Variants in CCAR1 observed in about 807,000 individuals in gnomAD.
The protein encoded by CCAR1 is cell division cycle and apoptosis regulator protein 1.
CCAR1 carries 78 observed loss-of-function variants against 163.8 expected under a neutral mutation model. The observed-to-expected ratio is 0.48, with a 90% CI of 0.40 to 0.57. The LOEUF is 0.57. Among genes scored for constraint, CCAR1 ranks in the 20% least tolerant of loss-of-function variants. CCAR1 has a pLI of 0.00. For synonymous variants in CCAR1, 443 were observed against 460.7 expected (o/e 0.96, Z 0.49); for missense variants, 1,019 against 1,365.2 (o/e 0.75, Z 4.00).
rs1242912966 is a variant in CCAR1 at position 68,786,668 on chromosome 10, T to G, written c.2856T>G (p.Leu952=). The change falls in exon 21 of 25, where the codon CTT becomes CTG. Residue 952 remains leucine (L), a synonymous_variant. Transcript: ENST00000265872. ...ATTTGGAAGAAATACTTTATACTCT[T>G]GGACTACATCTTTCTCGGGCTCAGG... The part of the protein sequence containing the change: ...EKDLEEILYT[L]GLHLSRAQVK... The G allele has an allele frequency of 3.8e-6, 6 of 1,597,490 alleles. No homozygotes were observed. Among genetic ancestry groups the G allele is most frequent in the Non-Finnish European group, 4.3e-6 (5 of 1,175,468 alleles).
At chr10:68,765,030 A>G (rs2056519753) in intron 16 of CCAR1, among the ~76,000 whole-genome samples, 1 of 152,232 alleles carries the variant, frequency 6.6e-6, no homozygotes, top group Non-Finnish European at 1.5e-5. Flanking sequence ...TAGCTTTTCT[A>G]AATTCATAGA....
intron 2 of CCAR1, among the ~76,000 whole-genome samples, chr10:68,723,411 A>G (rs779854690): frequency 7.3e-5 from 11 of 150,676 alleles, no homozygotes; most frequent in Non-Finnish European, 8.9e-5. Flanking sequence ...TTACAGGCGT[A>G]AGCCACCGCA....
chr10:68,725,561 T>G (rs1442261346), intron 2 of CCAR1, among the ~76,000 whole-genome samples: 1 of 152,148 alleles, frequency 6.6e-6, no homozygotes, highest in Non-Finnish European at 1.5e-5. Context: ...TCCTGTAGAT[T>G]CAGAATTTTT....
At chr10:68,788,466 A>G in intron 23 of CCAR1, 138 bp downstream of exon 23, 1 of 506,380 alleles carries the variant, frequency 2.0e-6, no homozygotes, top group Non-Finnish European at 3.1e-6. Flanking sequence ...GAAGTACATA[A>G]GGAACTTTTT....
chr10:68,754,551 C>A (rs895958333), intron 11 of CCAR1, among the ~76,000 whole-genome samples, 163 bp from the exon 12 acceptor site: 1 of 152,214 alleles, frequency 6.6e-6, no homozygotes, highest in African/African-American at 2.4e-5. Context: ...GTAATCCCAG[C>A]ACTTTGGGAG....
chr10:68,754,935 G>A (rs1038302577), intron 12 of CCAR1, 108 bp downstream of exon 12: 26 of 643,186 alleles, frequency 4.0e-5, no homozygotes, highest in African/African-American at 3.7e-4. Context: ...TGATTAATGA[G>A]TAATTTTAGT....
intron 18 of CCAR1, among the ~76,000 whole-genome samples, chr10:68,772,768 A>C (rs925868795): frequency 6.7e-5 from 10 of 149,686 alleles, no homozygotes; most frequent in Non-Finnish European, 8.9e-5. Flanking sequence ...AAAAAAAAAA[A>C]AACCATATAT....
chr10:68,725,721 C>T (rs947024940), intron 2 of CCAR1, among the ~76,000 whole-genome samples: 3 of 152,010 alleles, frequency 2.0e-5, no homozygotes, highest in Admixed American at 1.3e-4. Context: ...CTTAAAATAT[C>T]TTTTTTAATT....
intron 1 of CCAR1, chr10:68,721,512 G>T (rs1332461820): frequency 2.3e-5 from 10 of 440,594 alleles, no homozygotes; most frequent in South Asian, 3.2e-5. Flanking sequence ...CTCCTCAGGT[G>T]CCCCCAGCGC....
chr10:68,756,856 A>C lies in CCAR1; in HGVS notation c.1836+373A>C, dbSNP rs978599201. On this transcript the variant is annotated intron_variant, in intron 14 of 24. Coordinates refer to ENST00000265872, the MANE Select transcript of CCAR1 (RefSeq NM_018237.4). The surrounding 1 kb of genome is among the most constrained non-coding windows in gnomAD (Gnocchi z 5.1). ...AAAAATTTTCTTTTTCATGGTCATC[A>C]GTTCTAGTCATGGATATTTGAAATT... Among the ~76,000 whole-genome samples the C allele has an allele frequency of 3.9e-5, 6 of 152,194 alleles. No homozygotes were observed. The highest frequency in any genetic ancestry group is 8.8e-5 in the Non-Finnish European group (6 of 68,038).
intron 17 of CCAR1, among the ~76,000 whole-genome samples, chr10:68,769,898 G>A (rs538935697): frequency 2.8e-5 from 4 of 141,554 alleles, no homozygotes; most frequent in Admixed American, 7.5e-5. Context: ...CCGAAATTCC[G>A]CCACTGCACT....
At chr10:68,736,395 GTATTGT>G (rs2056111014) in intron 2 of CCAR1, among the ~76,000 whole-genome samples, 1 of 152,050 alleles carries the variant, frequency 6.6e-6, no homozygotes, top group Admixed American at 6.6e-5. Flanking sequence ...CATATATAAT[GTATTGT>G]TATTAACTGT....
intron 16 of CCAR1, among the ~76,000 whole-genome samples, chr10:68,763,833 C>T (rs1019029583): frequency 6.6e-6 from 1 of 152,186 alleles, no homozygotes; most frequent in African/African-American, 2.4e-5. Flanking sequence ...GACATACCTT[C>T]ATCACTTTTT....
intron 2 of CCAR1, among the ~76,000 whole-genome samples, chr10:68,734,245 A>G (rs927199015): frequency 2.0e-5 from 3 of 152,152 alleles, no homozygotes; most frequent in African/African-American, 7.2e-5. Context: ...GTTAATAACT[A>G]ATAGTTATAA....
At position 68,747,542 on chromosome 10, in the gene CCAR1, T is replaced by G; in HGVS notation, c.802T>G (p.Leu268Val). The G allele has an allele frequency of 6.2e-7, 1 of 1,613,412 alleles. No individual in the cohort carries two copies. The highest frequency in any genetic ancestry group is 8.5e-7 in the Non-Finnish European group (1 of 1,179,782). Reference protein sequence around the residue: ...TPLLQTQPQPLLQQPQQKAGL... With the variant: ...TPLLQTQPQPVLQQPQQKAGL... ...ACTATTGCAGACTCAACCACAGCCCTTATTACAGCAGCCTCAGCAAAAAGG... is the reference window on the plus strand; with the variant it reads ...ACTATTGCAGACTCAACCACAGCCCGTATTACAGCAGCCTCAGCAAAAAGG... The change falls in exon 8 of 25, where the codon TTA (leucine) becomes GTA (valine). Residue 268 changes from leucine (L) to valine (V), a missense_variant. By Grantham distance (32) the Leu-to-Val change is conservative. This residue lies in a region of CCAR1 where 644 missense variants were observed against 904.4 expected (regional missense o/e 0.71). Coordinates refer to ENST00000265872, the MANE Select transcript of CCAR1 (RefSeq NM_018237.4).
chr10:68,724,597 T>G (rs2055914222), intron 2 of CCAR1, among the ~76,000 whole-genome samples: 3 of 152,042 alleles, frequency 2.0e-5, no homozygotes, highest in African/African-American at 7.2e-5. Context: ...GCCAGTTGTT[T>G]GAATTTAAAG....
At chr10:68,721,431 G>A in intron 1 of CCAR1, 149 bp downstream of exon 1, 1 of 305,254 alleles carries the variant, frequency 3.3e-6, no homozygotes, top group Admixed American at 4.9e-5. Context: ...GGACTGGGAC[G>A]GGAGGGACGC....
intron 2 of CCAR1, among the ~76,000 whole-genome samples, chr10:68,726,260 T>G (rs908010977): frequency 6.6e-6 from 1 of 151,880 alleles, no homozygotes. Flanking sequence ...CAAGCGATTC[T>G]CGTGCCTCAG....
At position 68,783,482 on chromosome 10, in the gene CCAR1, T is replaced by A. The variant is rs182079831; in HGVS notation, c.2651-2654T>A. ...GCCACCGTTCCTGGCCTCATCCATG[T>A]CTTTCTGAAGTTCTAGGATCTGGTC... On this transcript the variant is annotated intron_variant, in intron 19 of 24. Transcript: ENST00000265872. 2.8e-3 allele frequency among the ~76,000 whole-genome samples: 420 copies of A among 152,006 alleles called. 3 individuals carry two copies. Among genetic ancestry groups the A allele is most frequent in the African/African-American group, 9.5e-3 (392 of 41,464 alleles).
Sources: allele counts gnomAD v4.1 joint callset (sites outside exome capture counted in the v4.1 genomes callset), GRCh38; gene constraint gnomAD v4.1.1; regional missense constraint gnomAD v4.1.1; non-coding constraint Gnocchi (gnomAD v3.1); transcripts MANE v1.5; gene names NCBI Gene and HGNC (gene_info 2026-07-23, HGNC 2026-07-21).